CALN1: variants seen among roughly 807,000 people sequenced by gnomAD.
CALN1 encodes the protein calneuron 1.
A neutral mutation model predicts 30.6 loss-of-function variants in CALN1; 17 were observed. The ratio of observed to expected loss-of-function variants is 0.56; its 90% CI spans 0.38 to 0.83. The LOEUF (loss-of-function observed/expected upper bound fraction) is 0.83. Ranked by LOEUF, CALN1 falls within the 40% of genes least tolerant of loss-of-function variation. CALN1 has a pLI of 0.00. For synonymous variants in CALN1, 156 were observed against 131.4 expected, an observed-to-expected ratio of 1.19 and a Z score of -1.28; for missense variants, 291 against 354.9, an observed-to-expected ratio of 0.82 and a Z score of 1.45.
intron 4 of CALN1, among the ~76,000 whole-genome samples, chr7:72,068,632 C>T (rs183920796): frequency 2.5e-4 from 38 of 152,272 alleles, no homozygotes; most frequent in Middle Eastern, 6.8e-3. Flanking sequence ...GGATAACAGA[C>T]GCCCGCCACC....
chr7:72,446,908 A>T (rs1376436225), intron 1 of CALN1: 1 of 152,368 alleles, frequency 6.6e-6, no homozygotes, highest in African/African-American at 2.4e-5. Flanking sequence ...ACTAAACACA[A>T]GCTGGGAAAT....
chr7:72,260,604 G>T (rs760008699), intron 3 of CALN1, among the ~76,000 whole-genome samples: 1 of 152,062 alleles, frequency 6.6e-6, no homozygotes, highest in African/African-American at 2.4e-5. Context: ...ACCTCTGAAG[G>T]GATCTTAAAG....
At chr7:72,451,409 A>C (rs1486441709), upstream of CALN1, among the ~76,000 whole-genome samples, 3 of 102,878 alleles carry the variant, frequency 2.9e-5, no homozygotes, top group African/African-American at 3.6e-5. Context: ...GGGAAGGGGG[A>C]GTAGGAGGGG....
At chr7:71,821,947 T>C (rs913939396) in intron 5 of CALN1, among the ~76,000 whole-genome samples, 2 of 151,652 alleles carry the variant, frequency 1.3e-5, no homozygotes, top group Non-Finnish European at 2.9e-5. Context: ...TTTGCATTTT[T>C]TGTAGAGATG....
At chr7:71,789,271 G>A (rs537728331) in intron 6 of CALN1, among the ~76,000 whole-genome samples, 1 of 152,284 alleles carries the variant, frequency 6.6e-6, no homozygotes, top group African/African-American at 2.4e-5. Flanking sequence ...ACAAAAATTA[G>A]CTGGGTATGG....
intron 6 of CALN1, among the ~76,000 whole-genome samples, chr7:71,798,799 T>G (rs1787124021): frequency 6.6e-6 from 1 of 151,384 alleles, no homozygotes; most frequent in Non-Finnish European, 1.5e-5. Context: ...CTTTTTTTTG[T>G]ATTTTTAGTA....
At chr7:71,857,924 C>T (rs187939066) in intron 5 of CALN1, among the ~76,000 whole-genome samples, 1 of 152,112 alleles carries the variant, frequency 6.6e-6, no homozygotes, top group African/African-American at 2.4e-5. Flanking sequence ...TTTCTATTAT[C>T]AAGGAAGTGG....
At chr7:72,106,116 T>G in intron 4 of CALN1, 35 bp downstream of exon 4, 1 of 1,607,042 alleles carries the variant, frequency 6.2e-7, no homozygotes, top group South Asian at 1.1e-5. Context: ...GACCGGGGCA[T>G]GTCTCAGGGG....
intron 1 of CALN1, among the ~76,000 whole-genome samples, chr7:72,432,493 G>T (rs1030124113): frequency 6.6e-6 from 1 of 152,084 alleles, no homozygotes; most frequent in African/African-American, 2.4e-5. Context: ...ATAGATGCTG[G>T]GTCTGTAACA....
chr7:72,407,877 C>G (rs140584097), intron 1 of CALN1, among the ~76,000 whole-genome samples: 1 of 152,174 alleles, frequency 6.6e-6, no homozygotes, highest in African/African-American at 2.4e-5. Flanking sequence ...CTCAGAGAGT[C>G]AAGCTGGAAA....
At chr7:71,980,842 T>C (rs1798356664) in intron 5 of CALN1, among the ~76,000 whole-genome samples, 1 of 152,078 alleles carries the variant, frequency 6.6e-6, no homozygotes, top group African/African-American at 2.4e-5. Context: ...GAAAGATGTC[T>C]AAAATTGCCC....
At chr7:72,435,286 G>A (rs1808116629) in intron 1 of CALN1, among the ~76,000 whole-genome samples, 1 of 151,926 alleles carries the variant, frequency 6.6e-6, no homozygotes, top group Non-Finnish European at 1.5e-5. Flanking sequence ...AAGGGGAAGG[G>A]GAAGGGGAAC....
chr7:72,413,082 A>G (rs1456719515), upstream of CALN1, among the ~76,000 whole-genome samples: 1 of 152,174 alleles, frequency 6.6e-6, no homozygotes, highest in Non-Finnish European at 1.5e-5. Flanking sequence ...ACGCCCTGGC[A>G]GAGATCACAG....
chr7:72,340,377 C>A (rs1308290067), intron 2 of CALN1, among the ~76,000 whole-genome samples: 1 of 151,870 alleles, frequency 6.6e-6, no homozygotes, highest in African/African-American at 2.4e-5. Context: ...ATGTGGGCCT[C>A]TGCTCCCAGA....
At chr7:72,404,376 C>A (rs1443491509) in intron 1 of CALN1, among the ~76,000 whole-genome samples, 1 of 152,154 alleles carries the variant, frequency 6.6e-6, no homozygotes, top group African/African-American at 2.4e-5. Flanking sequence ...CACAGTTAAT[C>A]AATGTCAGTT....
intron 5 of CALN1, among the ~76,000 whole-genome samples, chr7:71,888,368 T>C (rs1305460947): frequency 6.6e-6 from 1 of 150,634 alleles, no homozygotes; most frequent in Non-Finnish European, 1.5e-5. Flanking sequence ...TGAAAACCGC[T>C]GACTTGTGCA....
chr7:72,322,095 T>A (rs1423093878), intron 2 of CALN1, among the ~76,000 whole-genome samples: 3 of 152,198 alleles, frequency 2.0e-5, no homozygotes, highest in Non-Finnish European at 4.4e-5. Flanking sequence ...TACAATGAAA[T>A]AATTCTACAA....
intron 5 of CALN1, among the ~76,000 whole-genome samples, chr7:71,944,594 CAAA>C (rs10677940): frequency 1.0e-4 from 6 of 60,022 alleles, no homozygotes; most frequent in African/African-American, 2.7e-4. Context: ...AACTCCATCC[CAAA>C]AAAAAAAAAA....
chr7:72,111,254 T>C (rs1807555751), intron 3 of CALN1, among the ~76,000 whole-genome samples: 1 of 152,154 alleles, frequency 6.6e-6, no homozygotes, highest in African/African-American at 2.4e-5. Context: ...GTGTGGAGTA[T>C]GAAAAGACAC....
Sources: gnomAD v4.1 joint callset for allele counts (sites outside exome capture counted in the v4.1 genomes callset) on GRCh38, gnomAD v4.1.1 for gene constraint, MANE v1.5 for transcripts, NCBI Gene and HGNC (gene_info 2026-07-23, HGNC 2026-07-21) for gene names.